FNIP1: variants seen among roughly 807,000 people sequenced by gnomAD.
The protein encoded by FNIP1 is folliculin-interacting protein 1.
In FNIP1, 40 loss-of-function variants were observed where a neutral mutation model predicts 124.5. The ratio of observed to expected loss-of-function variants is 0.32; its 90% CI spans 0.25 to 0.42. FNIP1 has a LOEUF of 0.42. Among genes scored for constraint, FNIP1 ranks in the 10% least tolerant of loss-of-function variants. The pLI, the probability that FNIP1 is intolerant of heterozygous loss-of-function variation, is 1.00. For synonymous variants in FNIP1, 472 were observed against 470.6 expected, an observed-to-expected ratio of 1.00 and a Z score of -0.04; for missense variants, 1,176 against 1,403.7, an observed-to-expected ratio of 0.84 and a Z score of 2.59.
chr5:131,660,477 G>T (rs183853195), intron 15 of FNIP1, among the ~76,000 whole-genome samples: 1 of 152,036 alleles, frequency 6.6e-6, no homozygotes, highest in Non-Finnish European at 1.5e-5. Flanking sequence ...ATCCAGAAGC[G>T]ATTTGGCCCC....
rs77554442 is a variant in FNIP1 at position 131,672,094 on chromosome 5, A to G, written c.2350T>C (p.Leu784=). 4.4e-3 allele frequency: 7,065 copies of G among 1,614,040 alleles called. 185 individuals carry two copies. Among genetic ancestry groups the G allele is most frequent in the East Asian group, 0.033 (1,494 of 44,868 alleles). The stretch of plus-strand genomic sequence containing the variant: ...TCAATAGCCCCTCTTTCTTCCTTCA[A>G]TGGTTTGGTGTGATGTCTGGTAATC... ...DQITRHHTKP[L]KEERGAIDQH... is the part of the protein sequence containing the mutation. Residue 784 remains leucine, a synonymous_variant, in exon 14 of 18, where the codon TTG becomes CTG. Coordinates refer to ENST00000510461, the MANE Select transcript of FNIP1 (RefSeq NM_133372.3).
intron 1 of FNIP1, chr5:131,796,044 A>G (rs1772577371): frequency 6.6e-6 from 1 of 152,262 alleles, no homozygotes; most frequent in Admixed American, 6.5e-5. Flanking sequence ...CTCTGCCAGC[A>G]ACAGGTACTA....
At chr5:131,756,137 C>T (rs1322666418) in intron 1 of FNIP1, among the ~76,000 whole-genome samples, 1 of 151,954 alleles carries the variant, frequency 6.6e-6, no homozygotes, top group Non-Finnish European at 1.5e-5. Flanking sequence ...GTCTTTGGTA[C>T]TCTTGCTGGA....
intron 1 of FNIP1, among the ~76,000 whole-genome samples, chr5:131,749,832 A>G (rs1045241815): frequency 1.3e-5 from 2 of 152,124 alleles, no homozygotes; most frequent in Non-Finnish European, 2.9e-5. Flanking sequence ...GTACCCCAAG[A>G]GCAATAGGCT....
At chr5:131,654,880 T>C (rs1032908567) in intron 15 of FNIP1, among the ~76,000 whole-genome samples, 3 of 152,208 alleles carry the variant, frequency 2.0e-5, no homozygotes, top group Non-Finnish European at 4.4e-5. Flanking sequence ...TTGGGAAGAT[T>C]TTCCATGGAG....
intron 11 of FNIP1, among the ~76,000 whole-genome samples, chr5:131,693,317 CACATAT>C (rs1561658255): frequency 0.017 from 708 of 41,598 alleles, 16 homozygotes; most frequent in Non-Finnish European, 0.027. Context: ...TATATATATA[CACATAT>C]ATATATATAC....
intron 15 of FNIP1, among the ~76,000 whole-genome samples, chr5:131,665,497 T>C (rs1767571180): frequency 6.6e-6 from 1 of 151,722 alleles, no homozygotes; most frequent in African/African-American, 2.4e-5. Context: ...AAAAGGTTCC[T>C]ACATGTTTTT....
At chr5:131,708,495 C>T (rs1347257308) in intron 8 of FNIP1, among the ~76,000 whole-genome samples, 1 of 152,144 alleles carries the variant, frequency 6.6e-6, no homozygotes, top group Non-Finnish European at 1.5e-5. Context: ...TGGATAACTG[C>T]TATTTATTTC....
chr5:131,787,813 T>C (rs1772266771), intron 1 of FNIP1, among the ~76,000 whole-genome samples: 1 of 152,164 alleles, frequency 6.6e-6, no homozygotes, highest in South Asian at 2.1e-4. Context: ...AAAATCAATT[T>C]AGAAGAACAG....
At chr5:131,713,036 T>TA (rs1433891124) in intron 6 of FNIP1, among the ~76,000 whole-genome samples, 3 of 152,014 alleles carry the variant, frequency 2.0e-5, no homozygotes, top group Non-Finnish European at 2.9e-5. Context: ...CCCTCAGTCT[T>TA]AGTCTGTGTG....
intron 15 of FNIP1, among the ~76,000 whole-genome samples, chr5:131,659,620 G>A (rs537187413): frequency 3.9e-5 from 6 of 152,310 alleles, no homozygotes; most frequent in Admixed American, 3.9e-4. Context: ...CGTAACCCTC[G>A]TAGATGGGCA....
At chr5:131,693,351 T>TATATATAC (rs1561658513) in intron 11 of FNIP1, among the ~76,000 whole-genome samples, 3 of 133,640 alleles carry the variant, frequency 2.2e-5, no homozygotes, top group Non-Finnish European at 4.7e-5. Context: ...TATATATATA[T>TATATATAC]ATATATATAT....
rs1561658378 is a variant in FNIP1 at position 131,693,339 on chromosome 5, T to TATATATAC, written c.1202+5577_1202+5578insGTATATAT. On this transcript the variant is annotated intron_variant, in intron 11 of 17. Transcript: ENST00000510461. Reference sequence around the variant, plus strand: ...ATACACATATATATATATACATATATATATATATATATATATATATATAGT... The same window carrying TATATATAC: ...ATACACATATATATATATACATATATATATATACATATATATATATATATATATATAGT... Among the ~76,000 whole-genome samples the TATATATAC allele has an allele frequency of 1.1e-4, 14 of 125,604 alleles. No individual in the cohort carries two copies. In the East Asian group the frequency reaches 2.1e-3, roughly 19 times the overall value. 82.4% of individuals were successfully genotyped at this position (125,604 alleles called of 152,430 possible). A position where few individuals can be genotyped will look rare whatever the true frequency, so the allele number is the denominator to read the frequency against.
chr5:131,657,974 G>A (rs1767259822), intron 15 of FNIP1, among the ~76,000 whole-genome samples: 1 of 150,588 alleles, frequency 6.6e-6, no homozygotes, highest in Admixed American at 6.6e-5. Flanking sequence ...CTGGGAGGCG[G>A]AGCCTGCAGT....
At chr5:131,752,201 G>A (rs1197807324) in intron 1 of FNIP1, among the ~76,000 whole-genome samples, 5 of 151,948 alleles carry the variant, frequency 3.3e-5, no homozygotes, top group African/African-American at 9.7e-5. Context: ...CAGCCACCAC[G>A]TCCGGCTAAT....
intron 3 of FNIP1, among the ~76,000 whole-genome samples, chr5:131,725,361 T>A (rs1220739399): frequency 6.6e-6 from 1 of 152,214 alleles, no homozygotes; most frequent in African/African-American, 2.4e-5. Context: ...TTTGTTTGTA[T>A]CCTCTCTTTT....
intron 9 of FNIP1, among the ~76,000 whole-genome samples, chr5:131,705,509 T>C (rs190299708): frequency 3.3e-5 from 5 of 152,084 alleles, no homozygotes; most frequent in Admixed American, 1.3e-4. Flanking sequence ...TCACTAATTA[T>C]TAGATAAATG....
chr5:131,708,367 G>C (rs966938396), intron 8 of FNIP1, among the ~76,000 whole-genome samples: 29 of 152,266 alleles, frequency 1.9e-4, no homozygotes, highest in African/African-American at 7.0e-4. Flanking sequence ...ACTGAATTAA[G>C]TTTCTCATAT....
chr5:131,706,751 T>C (rs1477008247), intron 8 of FNIP1, among the ~76,000 whole-genome samples: 2 of 152,188 alleles, frequency 1.3e-5, no homozygotes, highest in Non-Finnish European at 2.9e-5. Flanking sequence ...AGCAAAAAAC[T>C]CTGAGACAAT....
Sources: allele counts gnomAD v4.1 joint callset (sites outside exome capture counted in the v4.1 genomes callset), GRCh38; gene constraint gnomAD v4.1.1; transcripts MANE v1.5; gene names NCBI Gene and HGNC (gene_info 2026-07-23, HGNC 2026-07-21).